Variants in DCDC2 observed in about 807,000 individuals in gnomAD.
The protein encoded by DCDC2 is doublecortin domain-containing protein 2.
A neutral mutation model predicts 50.2 loss-of-function variants in DCDC2; 40 were observed. The observed-to-expected ratio is 0.80, with a 90% CI of 0.62 to 1.04. DCDC2 has a LOEUF of 1.04. Ranked by LOEUF, DCDC2 falls within the 50% of genes least tolerant of loss-of-function variation. The pLI is 0.00. For synonymous variants in DCDC2, 234 were observed against 210.6 expected, an observed-to-expected ratio of 1.11 and a Z score of -0.96; for missense variants, 570 against 581.9, an observed-to-expected ratio of 0.98 and a Z score of 0.21.
rs1763735164 is a variant in DCDC2 at position 24,291,094 on chromosome 6, ACAC to A, written c.558-19_558-17del. 6.2e-7 allele frequency: 1 copy of A among 1,604,086 alleles called. No homozygotes were observed. Among genetic ancestry groups the A allele is most frequent in the Admixed American group, 1.8e-5 (1 of 57,066 alleles). ...AGTATAAAGCCTGTCGAAAATATGAACACCAACAATTAGAATTTTAACCAACAT... is the reference window on the plus strand; with the variant it reads ...AGTATAAAGCCTGTCGAAAATATGAACAACAATTAGAATTTTAACCAACAT... On this transcript the variant is annotated splice_polypyrimidine_tract_variant and intron_variant, in intron 4 of 9. Coordinates refer to ENST00000378454, the MANE Select transcript of DCDC2 (RefSeq NM_016356.5).
chr6:24,293,041 T>C (rs1490864295), intron 4 of DCDC2, among the ~76,000 whole-genome samples: 3 of 152,218 alleles, frequency 2.0e-5, no homozygotes, highest in African/African-American at 7.2e-5. Context: ...CCAGCATAGC[T>C]GTGGACTCTG....
At chr6:24,263,646 T>A (rs950201066) in intron 7 of DCDC2, among the ~76,000 whole-genome samples, 14 of 152,034 alleles carry the variant, frequency 9.2e-5, no homozygotes, top group Admixed American at 7.9e-4. Flanking sequence ...AAAAAATAAT[T>A]AGCTTGAAGA....
chr6:24,208,534 C>T (rs960868304), intron 7 of DCDC2, among the ~76,000 whole-genome samples: 1 of 152,060 alleles, frequency 6.6e-6, no homozygotes, highest in Non-Finnish European at 1.5e-5. Context: ...CCACACCTGG[C>T]TAATTTTGTA....
chr6:24,246,791 T>A (rs1399462775), intron 7 of DCDC2, among the ~76,000 whole-genome samples: 1 of 151,958 alleles, frequency 6.6e-6, no homozygotes, highest in South Asian at 2.1e-4. Context: ...CTGGCCCTGA[T>A]AATGACATGT....
At chr6:24,306,535 T>TAGACAGAC (rs776918695) in intron 2 of DCDC2, among the ~76,000 whole-genome samples, 240 of 119,154 alleles carry the variant, frequency 2.0e-3, no homozygotes, top group African/African-American at 5.1e-3. Context: ...GATAGATAGA[T>TAGACAGAC]AGATAGATAG....
At position 24,307,377 on chromosome 6, in the gene DCDC2, T is replaced by C. The variant is rs548337193; in HGVS notation, c.349-5333A>G. On this transcript the variant is annotated intron_variant, in intron 2 of 9. Transcript: ENST00000378454. ...CTCAATTTTCAATAACTTTAAAAAA[T>C]ACATATCAGATTTTTGTGACTGTCC... Among the ~76,000 whole-genome samples the C allele has an allele frequency of 4.5e-4, 68 of 152,288 alleles. No homozygotes were observed. The South Asian group carries it at 5.4e-3, about 12-fold the overall frequency.
At chr6:24,286,246 C>A (rs975788346) in intron 6 of DCDC2, among the ~76,000 whole-genome samples, 1 of 152,054 alleles carries the variant, frequency 6.6e-6, no homozygotes, top group African/African-American at 2.4e-5. Flanking sequence ...TGATGAAGTA[C>A]CACAGTGATG....
At chr6:24,184,993 G>T (rs2791972) in intron 8 of DCDC2, among the ~76,000 whole-genome samples, 94,670 of 152,138 alleles carry the variant, frequency 0.62, 31,775 homozygotes, top group East Asian at 0.79. Context: ...GCTTGCTGAA[G>T]TATGTTAAGA....
chr6:24,202,011 AAAGCCCAG>A (rs1761600246), intron 8 of DCDC2, among the ~76,000 whole-genome samples: 1 of 152,202 alleles, frequency 6.6e-6, no homozygotes, highest in African/African-American at 2.4e-5. Context: ...AGCCAAAAAA[AAAGCCCAG>A]AACCAGGCAG....
At chr6:24,331,833 A>G (rs1345144559) in intron 2 of DCDC2, among the ~76,000 whole-genome samples, 1 of 152,176 alleles carries the variant, frequency 6.6e-6, no homozygotes, top group Non-Finnish European at 1.5e-5. Context: ...CCTCCACAGG[A>G]AAAAATTTCC....
intron 2 of DCDC2, among the ~76,000 whole-genome samples, chr6:24,320,514 T>C (rs747808084): frequency 3.9e-5 from 6 of 152,096 alleles, no homozygotes; most frequent in Non-Finnish European, 8.8e-5. Context: ...GTATTTTTAG[T>C]AGAGACAGGG....
intron 7 of DCDC2, among the ~76,000 whole-genome samples, chr6:24,273,568 C>T (rs1348227583): frequency 6.6e-6 from 1 of 152,200 alleles, no homozygotes; most frequent in Non-Finnish European, 1.5e-5. Flanking sequence ...TTGGTGCCTT[C>T]TTACATATTT....
At chr6:24,258,205 G>C (rs977479299) in intron 7 of DCDC2, among the ~76,000 whole-genome samples, 5 of 152,186 alleles carry the variant, frequency 3.3e-5, no homozygotes, top group Non-Finnish European at 5.9e-5. Context: ...GATTTATTGT[G>C]AAGAGCAAAA....
chr6:24,224,217 AATTC>A (rs201093541), intron 7 of DCDC2, among the ~76,000 whole-genome samples: 1,781 of 152,286 alleles, frequency 0.012, 30 homozygotes, highest in African/African-American at 0.039. Flanking sequence ...TTCATTCATT[AATTC>A]ATTCATTCAT....
intron 7 of DCDC2, among the ~76,000 whole-genome samples, chr6:24,233,091 T>A (rs1762372412): frequency 6.6e-6 from 1 of 152,236 alleles, no homozygotes; most frequent in Non-Finnish European, 1.5e-5. Flanking sequence ...TCCTATCTGA[T>A]GACAATGGCG....
chr6:24,224,411 A>G (rs968923302), intron 7 of DCDC2, among the ~76,000 whole-genome samples: 30 of 152,212 alleles, frequency 2.0e-4, no homozygotes, highest in African/African-American at 5.8e-4. Context: ...CCAGGGGTAC[A>G]ATGGTGCACA....
At chr6:24,271,224 A>AAAAAG (rs919124775) in intron 7 of DCDC2, among the ~76,000 whole-genome samples, 6 of 143,024 alleles carry the variant, frequency 4.2e-5, no homozygotes, top group African/African-American at 8.1e-5. Context: ...AAAAAAAAAA[A>AAAAAG]AGAGAGAGAG....
In DCDC2 at chr6:24,291,070, G is replaced by C; in HGVS notation, c.566C>G (p.Thr189Ser). The change falls in exon 5 of 10, where the codon ACT becomes AGT. Residue 189 changes from threonine (T) to serine (S), a missense_variant. Thr to Ser is a moderately conservative substitution (Grantham distance 58). Transcript: ENST00000378454. ...ACTCTCAACAAGTTTTCCTTCTAAA[G>C]TATAAAGCCTGTCGAAAATATGAAC... is the stretch of plus-strand genomic sequence containing the variant. Reference protein sequence around the residue: ...LRSGAVHRLYTLEGKLVESGA... With the variant: ...LRSGAVHRLYSLEGKLVESGA... 6.2e-7 allele frequency: 1 copy of C among 1,608,128 alleles called. No individual in the cohort carries two copies. The highest frequency in any genetic ancestry group is 8.5e-7 in the Non-Finnish European group (1 of 1,178,658).
chr6:24,209,413 G>C (rs1176563078), intron 7 of DCDC2, among the ~76,000 whole-genome samples: 1 of 152,144 alleles, frequency 6.6e-6, no homozygotes, highest in Non-Finnish European at 1.5e-5. Context: ...CTCATGAAGG[G>C]TGAGTGACAA....
Sources: allele counts gnomAD v4.1 joint callset (sites outside exome capture counted in the v4.1 genomes callset), GRCh38; gene constraint gnomAD v4.1.1; transcripts MANE v1.5; gene names NCBI Gene and HGNC (gene_info 2026-07-23, HGNC 2026-07-21).